WLS: variants seen among roughly 807,000 people sequenced by gnomAD.
WLS encodes protein wntless homolog.
Under a neutral mutation model 62.8 loss-of-function variants are expected in WLS, and 23 were observed. The ratio of observed to expected loss-of-function variants is 0.37; its 90% CI spans 0.26 to 0.52. The LOEUF (loss-of-function observed/expected upper bound fraction) is 0.52, where lower values mean the gene tolerates loss of function less well. WLS is among the 20% of genes least tolerant of loss of function. WLS has a pLI of 0.92. For missense variants in WLS, 615 were observed against 697.3 expected (o/e 0.88, Z 1.33); for synonymous variants, 246 against 244.1 (o/e 1.01, Z -0.07).
At chr1:68,156,496 G>GA (rs1325832368) in intron 3 of WLS, among the ~76,000 whole-genome samples, 1 of 152,018 alleles carries the variant, frequency 6.6e-6, no homozygotes, top group Non-Finnish European at 1.5e-5. Context: ...TCAGAGCTTA[G>GA]AATGCAGTAA....
At chr1:68,178,405 A>T (rs1647353340) in intron 2 of WLS, among the ~76,000 whole-genome samples, 1 of 152,350 alleles carries the variant, frequency 6.6e-6, no homozygotes, top group East Asian at 1.9e-4. Flanking sequence ...CTGCCTTTAA[A>T]TAATTCACTC....
intron 2 of WLS, chr1:68,162,203 C>T (rs939931871): frequency 6.9e-7 from 1 of 1,445,000 alleles, no homozygotes; most frequent in South Asian, 1.1e-5. Flanking sequence ...GACTCACGCA[C>T]ATAGAGGGCT....
chr1:68,197,509 TA>T (rs1648738394), intron 1 of WLS, among the ~76,000 whole-genome samples: 3 of 152,176 alleles, frequency 2.0e-5, no homozygotes, highest in Admixed American at 1.3e-4. Flanking sequence ...TCCGTTTTTC[TA>T]ATAGTGTTCA....
intron 6 of WLS, 139 bp downstream of exon 6, chr1:68,150,049 C>T: frequency 1.2e-6 from 1 of 839,372 alleles, no homozygotes; most frequent in Admixed American, 2.9e-5. Flanking sequence ...AGAGGGTCTG[C>T]CTCCAGAGTT....
intron 2 of WLS, among the ~76,000 whole-genome samples, chr1:68,163,560 TC>T (rs1194111036): frequency 7.3e-6 from 1 of 137,182 alleles, no homozygotes; most frequent in East Asian, 2.1e-4. Flanking sequence ...TCTCTCCAGC[TC>T]CCCACCACTC....
intron 1 of WLS, among the ~76,000 whole-genome samples, chr1:68,224,195 G>A (rs1245184992): frequency 6.6e-6 from 1 of 152,280 alleles, no homozygotes; most frequent in East Asian, 1.9e-4. Context: ...TGAGAATGGA[G>A]TACTAAGGAG....
intron 2 of WLS, among the ~76,000 whole-genome samples, chr1:68,177,740 C>T (rs1027226603): frequency 1.3e-5 from 2 of 152,140 alleles, no homozygotes; most frequent in African/African-American, 4.8e-5. Context: ...GAGATCTGCC[C>T]TCCTGGGCCT....
intron 3 of WLS, among the ~76,000 whole-genome samples, chr1:68,158,685 G>A (rs1057073899): frequency 1.3e-5 from 2 of 152,108 alleles, no homozygotes; most frequent in Non-Finnish European, 1.5e-5. Flanking sequence ...GGCTGCATGC[G>A]GCCCGCAGGC....
rs147343702 is a variant in WLS at position 68,141,543 on chromosome 1, G to A, written c.1362+3026C>T. On this transcript the variant is annotated intron_variant, in intron 10 of 11. Coordinates refer to ENST00000262348, the MANE Select transcript of WLS (RefSeq NM_024911.7). ...CAGTACCCAGCTACAAAGCCTCAAG[G>A]TCACTGCATTCCACAGCTTCCCGTC... is the stretch of plus-strand genomic sequence containing the variant. 5.9e-5 allele frequency: 9 copies of A among 152,280 alleles called. No individual in the cohort carries two copies. In the East Asian group the frequency reaches 1.5e-3, roughly 26 times the overall value. The allele number at this position is 152,280 out of a possible 1,614,324, so 9.4% of individuals were successfully genotyped here.
intron 2 of WLS, among the ~76,000 whole-genome samples, chr1:68,177,214 T>C (rs1194512587): frequency 1.3e-5 from 2 of 152,250 alleles, no homozygotes; most frequent in African/African-American, 2.4e-5. Context: ...TGCATTTTGG[T>C]ACTCATGGGG....
chr1:68,175,108 T>A (rs1647216245), intron 2 of WLS, among the ~76,000 whole-genome samples: 1 of 152,224 alleles, frequency 6.6e-6, no homozygotes. Flanking sequence ...CCTCCAAAGT[T>A]GTTCTCACCA....
At chr1:68,161,381 A>T (rs141005732) in intron 2 of WLS, among the ~76,000 whole-genome samples, 1 of 152,174 alleles carries the variant, frequency 6.6e-6, no homozygotes, top group Non-Finnish European at 1.5e-5. Flanking sequence ...ATATCCTCTT[A>T]ATATTTTTTA....
At position 68,155,840 on chromosome 1, in the gene WLS, C is replaced by T. The variant is rs566831308; in HGVS notation, c.505-580G>A. ...GGAGCCGTTGGTATTTAGGGAAGGT[C>T]GAAACAGAAGAAAGAAAGATAATAA... On this transcript the variant is annotated intron_variant, in intron 3 of 11. Transcript: ENST00000262348. 3.9e-5 allele frequency among the ~76,000 whole-genome samples: 6 copies of T among 152,112 alleles called. No homozygotes were observed. In the East Asian group the frequency reaches 1.2e-3, roughly 29 times the overall value.
intron 2 of WLS, chr1:68,162,340 T>C (rs959769111): frequency 1.2e-6 from 2 of 1,613,550 alleles, no homozygotes; most frequent in African/African-American, 2.7e-5. Flanking sequence ...ATTGATGAGG[T>C]GGTGGTTATG....
chr1:68,119,872 T>A (rs1261661112), intron 11 of WLS, among the ~76,000 whole-genome samples: 1 of 152,230 alleles, frequency 6.6e-6, no homozygotes, highest in Non-Finnish European at 1.5e-5. Context: ...GCTGTTCCTG[T>A]GTGTAGTTCA....
At chr1:68,193,881 G>A (rs1481809735) in intron 2 of WLS, 74 bp downstream of exon 2, 1 of 1,534,320 alleles carries the variant, frequency 6.5e-7, no homozygotes, top group Non-Finnish European at 8.8e-7. Flanking sequence ...ACTTTTATTA[G>A]AATTGGCTCA....
intron 11 of WLS, among the ~76,000 whole-genome samples, chr1:68,111,507 G>A (rs1007717077): frequency 3.3e-5 from 5 of 152,196 alleles, no homozygotes; most frequent in Non-Finnish European, 5.9e-5. Context: ...ATTTAAACAC[G>A]GAGGAGGGAT....
chr1:68,103,584 T>C (rs1287543435), intron 11 of WLS, among the ~76,000 whole-genome samples: 1 of 152,152 alleles, frequency 6.6e-6, no homozygotes, highest in Admixed American at 6.6e-5. Context: ...GGATAAATAC[T>C]CCATTTTATT....
At chr1:68,168,774 A>G (rs1647100953) in intron 2 of WLS, among the ~76,000 whole-genome samples, 1 of 152,202 alleles carries the variant, frequency 6.6e-6, no homozygotes, top group Admixed American at 6.5e-5. Context: ...ATCTCCTCCC[A>G]GCCTCTGGCA....
Sources: allele counts gnomAD v4.1 joint callset (sites outside exome capture counted in the v4.1 genomes callset), GRCh38; gene constraint gnomAD v4.1.1; transcripts MANE v1.5; gene names NCBI Gene and HGNC (gene_info 2026-07-23, HGNC 2026-07-21).